The following PLA2G15 variants were observed in gnomAD, a reference collection of about 807,000 sequenced individuals.
PLA2G15 encodes lysosomal phospholipase A and acyltransferase.
A neutral mutation model predicts 40.9 loss-of-function variants in PLA2G15; 20 were observed. That is an observed-to-expected ratio of 0.49 (90% CI 0.34 to 0.71). The LOEUF is 0.71. PLA2G15 is among the 30% of genes least tolerant of loss of function. The pLI is 0.01. For missense variants in PLA2G15, 471 were observed against 541.9 expected (o/e 0.87, Z 1.30); for synonymous variants, 223 against 228.2 (o/e 0.98, Z 0.21).
rs1185715292 is a variant in PLA2G15 at position 68,260,465 on chromosome 16, G to C, written c.*808G>C. 8 of 152,618 alleles carry C rather than the reference G, an allele frequency of 5.2e-5. No homozygotes were observed. The highest frequency in any genetic ancestry group is 3.3e-4 in the Admixed American group (5 of 15,288). 9.5% of individuals were successfully genotyped at this position (152,618 alleles called of 1,614,324 possible). ...GACTGTGGTTCCAAGGATGAGAGCA[G>C]GGGTTGGAGCCATGGCCTTCTGGGA... On this transcript the variant is annotated 3_prime_UTR_variant, in exon 6 of 6. Transcript: ENST00000219345.
intron 1 of PLA2G15, 29 bp downstream of exon 1, chr16:68,245,582 T>C: frequency 6.4e-7 from 1 of 1,553,850 alleles, no homozygotes; most frequent in African/African-American, 1.4e-5. Context: ...GGTGGATCTG[T>C]CGGTCGGGCG....
chr16:68,250,174 C>CTT lies in PLA2G15; in HGVS notation c.284+749_284+750dup, dbSNP rs1175749953. 6.6e-3 allele frequency: 884 copies of CTT among 134,132 alleles called. 9 individuals carry two copies. The highest frequency in any genetic ancestry group is 0.012 in the African/African-American group (279 of 23,056). 8.3% of individuals were successfully genotyped at this position (134,132 alleles called of 1,614,324 possible). On this transcript the variant is annotated intron_variant, in intron 2 of 5. Transcript: ENST00000219345. ...TTGCCTGATAAATGGCTTCCATTCA[C>CTT]TTTTTTTTTTTTTTTTTTTTTTGGA... is the stretch of plus-strand genomic sequence containing the variant.
intron 5 of PLA2G15, chr16:68,258,866 G>A (rs1369500395): frequency 4.8e-6 from 2 of 420,836 alleles, no homozygotes; most frequent in Non-Finnish European, 8.5e-6. Context: ...AGGCTGAGGC[G>A]GGAGGATTGG....
chr16:68,259,984 A>C lies in PLA2G15; in HGVS notation c.*327A>C. ...CTGCCTGGGGCCATGTGTCCCCCCT[A>C]TTCCTGTGGGCTTTTCATACTTGCC... On this transcript the variant is annotated 3_prime_UTR_variant, in exon 6 of 6. Coordinates refer to ENST00000219345, the MANE Select transcript of PLA2G15 (RefSeq NM_012320.4). The surrounding 1 kb of genome is among the most constrained non-coding windows in gnomAD (Gnocchi z 6.5). The C allele has an allele frequency of 2.7e-6, 1 of 368,810 alleles. No homozygotes were observed. Among genetic ancestry groups the C allele is most frequent in the Non-Finnish European group, 5.0e-6 (1 of 199,152 alleles). The allele number at this position is 368,810 out of a possible 1,614,324, so 22.8% of individuals were successfully genotyped here. A position where few individuals can be genotyped will look rare whatever the true frequency, so the allele number is the denominator to read the frequency against.
rs750962713 is a variant in PLA2G15, at chr16:68,259,324, C to T, written c.906C>T (p.Ile302=). The change falls in exon 6 of 6, where the codon ATC becomes ATT. Residue 302 remains isoleucine (I), a synonymous_variant. Coordinates refer to ENST00000219345, the MANE Select transcript of PLA2G15 (RefSeq NM_012320.4). This position sits in a 1 kb window ranked among gnomAD's most constrained non-coding sequence, Gnocchi z 6.5. ...ACTACCGCAAGTTCTTCCAGGACATCGGCTTTGAAGATGGCTGGCTCATGC... is the reference window on the plus strand; with the variant it reads ...ACTACCGCAAGTTCTTCCAGGACATTGGCTTTGAAGATGGCTGGCTCATGC... ...LRDYRKFFQD[I]GFEDGWLMRQ... The T allele has an allele frequency of 2.2e-5, 36 of 1,613,900 alleles. No individual in the cohort carries two copies. The highest frequency in any genetic ancestry group is 1.8e-4 in the South Asian group (16 of 91,090).
chr16:68,254,211 G>C (rs905854627), intron 2 of PLA2G15: 1 of 152,190 alleles, frequency 6.6e-6, no homozygotes, highest in Non-Finnish European at 1.5e-5. Context: ...GGGGAGAGGG[G>C]AATGTTGCTT....
At chr16:68,252,666 A>G (rs548317013) in intron 2 of PLA2G15, 1 of 446,666 alleles carries the variant, frequency 2.2e-6, no homozygotes, top group African/African-American at 2.2e-5. Flanking sequence ...AATTTATTAC[A>G]CAGTTCTAGA....
intron 2 of PLA2G15, among the ~76,000 whole-genome samples, chr16:68,253,684 T>G (rs1170688213): frequency 1.4e-5 from 2 of 145,604 alleles, no homozygotes; most frequent in African/African-American, 5.2e-5. Context: ...CTAGTGTGTT[T>G]TGTTTTGTTT....
Position 68,245,483 on chromosome 16 carries a change from C to T in PLA2G15, c.57C>T (p.Phe19=), listed in dbSNP as rs1402566470. ...GGCTGCTCCCGGATGGCCTCCTGTT[C>T]CTCTTGCTGCTGCTAATGCTGCTCG... is the stretch of plus-strand genomic sequence containing the variant. ...RVGLLPDGLL[F]LLLLLMLLAD... Residue 19 remains phenylalanine (F), a synonymous_variant, in exon 1 of 6, where the codon TTC becomes TTT. Coordinates refer to ENST00000219345, the MANE Select transcript of PLA2G15 (RefSeq NM_012320.4). The T allele has an allele frequency of 1.2e-6, 2 of 1,606,490 alleles. No individual in the cohort carries two copies. Among genetic ancestry groups the T allele is most frequent in the African/African-American group, 1.3e-5 (1 of 74,912 alleles).
intron 5 of PLA2G15, among the ~76,000 whole-genome samples, chr16:68,256,882 T>G (rs2042406382): frequency 6.6e-6 from 1 of 151,400 alleles, no homozygotes. Context: ...TAGAGCATTT[T>G]TTTTTTTTTT....
At chr16:68,253,641 C>A (rs12600062) in intron 2 of PLA2G15, 28,601 of 258,112 alleles carry the variant, frequency 0.11, 1,904 homozygotes, top group South Asian at 0.18. Context: ...TTCCAAAGTG[C>A]TGAGATTATA....
intron 1 of PLA2G15, among the ~76,000 whole-genome samples, chr16:68,246,723 G>A (rs1176954794): frequency 2.6e-5 from 4 of 152,204 alleles, no homozygotes; most frequent in African/African-American, 9.6e-5. Flanking sequence ...AACCCAGCCT[G>A]GATGGGTGGG....
Position 68,255,686 on chromosome 16 carries a change from T to C in PLA2G15, c.503-80T>C, listed in dbSNP as rs774925519. 8.3e-7 allele frequency: 1 copy of C among 1,201,346 alleles called. No individual in the cohort carries two copies. The highest frequency in any genetic ancestry group is 1.2e-6 in the Non-Finnish European group (1 of 809,174). 74.4% of individuals were successfully genotyped at this position (1,201,346 alleles called of 1,614,324 possible). On this transcript the variant is annotated intron_variant, in intron 4 of 5. Coordinates refer to ENST00000219345, the MANE Select transcript of PLA2G15 (RefSeq NM_012320.4). The surrounding 1 kb of genome is among the most constrained non-coding windows in gnomAD (Gnocchi z 5.9). ...GCACCCTCCCCTCCCCCTCTCGTCT[T>C]GTGTCTGGCCTGAGAAAAGCTCAGT...
chr16:68,252,027 G>A (rs1411528496), intron 2 of PLA2G15, among the ~76,000 whole-genome samples: 3 of 152,052 alleles, frequency 2.0e-5, no homozygotes, highest in Admixed American at 6.6e-5. Context: ...TTTTTATACT[G>A]GGGACACAGC....
At position 68,259,241 on chromosome 16, in the gene PLA2G15, A is replaced by T; in HGVS notation, c.823A>T (p.Thr275Ser). 1 of 1,613,918 alleles carries T rather than the reference A, an allele frequency of 6.2e-7. No individual in the cohort carries two copies. Among genetic ancestry groups the T allele is most frequent in the Non-Finnish European group, 8.5e-7 (1 of 1,180,022 alleles). The change falls in exon 6 of 6, where the codon ACA becomes TCA. Residue 275 changes from threonine to serine, a missense_variant. Thr to Ser is a moderately conservative substitution (Grantham distance 58). Coordinates refer to ENST00000219345, the MANE Select transcript of PLA2G15 (RefSeq NM_012320.4). This position sits in a 1 kb window ranked among gnomAD's most constrained non-coding sequence, Gnocchi z 6.5. The stretch of plus-strand genomic sequence containing the variant: ...CAGCTGGCTGCTGCCCTACAACTAC[A>T]CATGGTCACCTGAGAAGGTGTTCGT... ...STSWLLPYNY[T>S]WSPEKVFVQT...
intron 1 of PLA2G15, 143 bp downstream of exon 1, chr16:68,245,696 G>T: frequency 1.0e-6 from 1 of 1,001,646 alleles, no homozygotes; most frequent in East Asian, 2.6e-5. Flanking sequence ...ATCTAGATCT[G>T]CCGGCTCACC....
At chr16:68,245,740 C>G (rs1476025539) in intron 1 of PLA2G15, among the ~76,000 whole-genome samples, 187 bp downstream of exon 1, 1 of 152,210 alleles carries the variant, frequency 6.6e-6, no homozygotes, top group Non-Finnish European at 1.5e-5. Context: ...TGGTCAGCTC[C>G]CCACCTCCTG....
At position 68,255,925 on chromosome 16, in the gene PLA2G15, G is replaced by C. The variant is rs374718592; in HGVS notation, c.662G>C (p.Arg221Pro). The change falls in exon 5 of 6, where the codon CGG becomes CCG. Residue 221 changes from arginine to proline, a missense_variant. Arg to Pro is a moderately radical substitution (Grantham distance 103, BLOSUM62 -2). Coordinates refer to ENST00000219345, the MANE Select transcript of PLA2G15 (RefSeq NM_012320.4). The surrounding 1 kb of genome is among the most constrained non-coding windows in gnomAD (Gnocchi z 5.9). Reference sequence around the variant, plus strand: ...CAGGCCTGGAAGGACAAGTATATCCGGGCCTTCGTGTCACTGGGTGCGCCC... The same window carrying C: ...CAGGCCTGGAAGGACAAGTATATCCCGGCCTTCGTGTCACTGGGTGCGCCC... ...QPQAWKDKYI[R>P]AFVSLGAPWG... The C allele has an allele frequency of 6.2e-7, 1 of 1,613,004 alleles. No individual in the cohort carries two copies. The highest frequency in any genetic ancestry group is 8.5e-7 in the Non-Finnish European group (1 of 1,179,922).
chr16:68,256,222 G>C (rs1004868279), intron 5 of PLA2G15: 1 of 491,888 alleles, frequency 2.0e-6, no homozygotes, highest in South Asian at 2.9e-5. Flanking sequence ...TGTCTCAGGT[G>C]GGGGCAAGAC....
Sources: gnomAD v4.1 joint callset for allele counts (sites outside exome capture counted in the v4.1 genomes callset) on GRCh38, gnomAD v4.1.1 for gene constraint, Gnocchi (gnomAD v3.1) non-coding constraint, MANE v1.5 for transcripts, NCBI Gene and HGNC (gene_info 2026-07-23, HGNC 2026-07-21) for gene names.